The following PCDH7 variants were observed in gnomAD, a reference collection of about 807,000 sequenced individuals.
The protein encoded by PCDH7 is protocadherin-7.
A neutral mutation model predicts 58.9 loss-of-function variants in PCDH7; 17 were observed. The ratio of observed to expected loss-of-function variants is 0.29; its 90% CI spans 0.20 to 0.43. The LOEUF is 0.43. PCDH7 is among the 20% of genes least tolerant of loss of function. The pLI is 1.00. For missense variants in PCDH7, 1,274 were observed against 1,441.0 expected (o/e 0.88, Z 1.88); for synonymous variants, 664 against 616.4 (o/e 1.08, Z -1.14).
At chr4:31,135,367 C>T (rs948636578) in intron 3 of PCDH7, among the ~76,000 whole-genome samples, 3 of 152,110 alleles carry the variant, frequency 2.0e-5, no homozygotes, top group African/African-American at 7.2e-5. Flanking sequence ...GAATTTTGAG[C>T]AACCATGACA....
chr4:30,828,084 T>A, intron 1 of PCDH7, among the ~76,000 whole-genome samples: 1 of 152,028 alleles, frequency 6.6e-6, no homozygotes, highest in East Asian at 1.9e-4. Flanking sequence ...CAAAGCACAT[T>A]CTTTGTGCTG....
intron 3 of PCDH7, among the ~76,000 whole-genome samples, chr4:31,078,381 C>A (rs1759180067): frequency 6.6e-6 from 1 of 152,138 alleles, no homozygotes; most frequent in Non-Finnish European, 1.5e-5. Context: ...CTTCTGGGCT[C>A]CAGTGATCTT....
intron 1 of PCDH7, among the ~76,000 whole-genome samples, chr4:30,834,777 T>C (rs950173249): frequency 2.0e-5 from 3 of 152,108 alleles, no homozygotes; most frequent in Non-Finnish European, 2.9e-5. Flanking sequence ...TCAAGGTATG[T>C]TATTTATTAT....
chr4:30,729,509 A>G (rs1194157683), intron 1 of PCDH7, among the ~76,000 whole-genome samples: 6 of 152,072 alleles, frequency 3.9e-5, no homozygotes, highest in Non-Finnish European at 8.8e-5. Flanking sequence ...ATGGTTAAGA[A>G]CATATATTCT....
intron 1 of PCDH7, among the ~76,000 whole-genome samples, chr4:30,902,005 G>A (rs1266559515): frequency 6.6e-6 from 1 of 152,100 alleles, no homozygotes; most frequent in African/African-American, 2.4e-5. Flanking sequence ...TGTAACTGTG[G>A]GCAAGTTTCC....
chr4:30,844,745 A>C (rs1731685208), intron 1 of PCDH7, among the ~76,000 whole-genome samples: 1 of 152,182 alleles, frequency 6.6e-6, no homozygotes, highest in Non-Finnish European at 1.5e-5. Context: ...TAATGAAATA[A>C]ACTTGAGGGG....
At chr4:31,096,866 A>G (rs549819199) in intron 3 of PCDH7, among the ~76,000 whole-genome samples, 2 of 152,076 alleles carry the variant, frequency 1.3e-5, no homozygotes. Flanking sequence ...ACTTTCTGTA[A>G]AAGTTCATAA....
At chr4:31,040,912 G>GA (rs528837046) in intron 3 of PCDH7, among the ~76,000 whole-genome samples, 3,087 of 142,998 alleles carry the variant, frequency 0.022, 93 homozygotes, top group African/African-American at 0.072. Context: ...TGTGTGCTGA[G>GA]AAAAAAAAAA....
intron 3 of PCDH7, among the ~76,000 whole-genome samples, chr4:31,058,985 G>A (rs903759579): frequency 6.6e-5 from 10 of 151,908 alleles, no homozygotes; most frequent in Admixed American, 5.9e-4. Flanking sequence ...AAAGTCATAG[G>A]CTCTAATTCA....
chr4:31,042,316 T>C (rs1406152277), intron 3 of PCDH7, among the ~76,000 whole-genome samples: 1 of 152,202 alleles, frequency 6.6e-6, no homozygotes, highest in African/African-American at 2.4e-5. Context: ...ACTCTTGTTA[T>C]AAAGAACAAC....
chr4:31,056,515 A>G (rs1293746466), intron 3 of PCDH7, among the ~76,000 whole-genome samples: 2 of 95,786 alleles, frequency 2.1e-5, no homozygotes, highest in African/African-American at 8.3e-5. Flanking sequence ...GAAAGAAAGA[A>G]AGGGGAAGGG....
At chr4:31,040,623 G>A (rs765560274) in intron 3 of PCDH7, among the ~76,000 whole-genome samples, 1 of 152,112 alleles carries the variant, frequency 6.6e-6, no homozygotes, top group Non-Finnish European at 1.5e-5. Context: ...AGGCCAGGTT[G>A]GCCAAGTAAA....
chr4:30,956,168 C>T (rs949678947), intron 3 of PCDH7, among the ~76,000 whole-genome samples: 17 of 151,190 alleles, frequency 1.1e-4, no homozygotes, highest in Non-Finnish European at 1.5e-4. Context: ...GAGCCGAGAT[C>T]ATGCCACTGC....
At chr4:30,927,574 C>G (rs1381688350) in intron 2 of PCDH7, among the ~76,000 whole-genome samples, 2 of 152,042 alleles carry the variant, frequency 1.3e-5, no homozygotes, top group Non-Finnish European at 2.9e-5. Flanking sequence ...CCTGTGCTCT[C>G]TGAAACATGT....
intron 1 of PCDH7, among the ~76,000 whole-genome samples, chr4:30,788,695 TTAAGA>T (rs886960930): frequency 1.3e-5 from 2 of 152,088 alleles, no homozygotes; most frequent in African/African-American, 4.8e-5. Flanking sequence ...TCTTAGACAC[TTAAGA>T]TAAACAGATT....
At chr4:31,137,582 C>A (rs1469211205) in intron 3 of PCDH7, among the ~76,000 whole-genome samples, 2 of 151,780 alleles carry the variant, frequency 1.3e-5, no homozygotes, top group African/African-American at 4.8e-5. Flanking sequence ...AGACCCTTCT[C>A]GAAAAATAAA....
intron 3 of PCDH7, among the ~76,000 whole-genome samples, chr4:31,117,000 TAATTTTGAATTTTTAG>T (rs1230280894): frequency 6.6e-6 from 1 of 152,134 alleles, no homozygotes; most frequent in Admixed American, 6.5e-5. Context: ...CACATCTGGC[TAATTTTGAATTTTTAG>T]AATTTTGTAT....
At chr4:30,838,647 C>CT (rs1221552043) in intron 1 of PCDH7, among the ~76,000 whole-genome samples, 3 of 151,796 alleles carry the variant, frequency 2.0e-5, no homozygotes, top group Non-Finnish European at 2.9e-5. Flanking sequence ...AATTCTTTTT[C>CT]TTTTTTTTCC....
intron 2 of PCDH7, among the ~76,000 whole-genome samples, chr4:30,939,387 A>G (rs1293397935): frequency 6.6e-6 from 1 of 152,132 alleles, no homozygotes; most frequent in Non-Finnish European, 1.5e-5. Flanking sequence ...TTGTGATACT[A>G]CTGGTAATAA....
Sources: gnomAD v4.1 joint callset for allele counts (sites outside exome capture counted in the v4.1 genomes callset) on GRCh38, gnomAD v4.1.1 for gene constraint, MANE v1.5 for transcripts, NCBI Gene and HGNC (gene_info 2026-07-23, HGNC 2026-07-21) for gene names.